Variants in GRB10 observed in about 807,000 individuals in gnomAD.
The protein encoded by GRB10 is growth factor receptor-bound protein 10.
In GRB10, 20 loss-of-function variants were observed where a neutral mutation model predicts 80.9. The ratio of observed to expected loss-of-function variants is 0.25; its 90% CI spans 0.17 to 0.36. The LOEUF is 0.36. GRB10 is among the 10% of genes least tolerant of loss of function. The pLI is 1.00. For synonymous variants in GRB10, 291 were observed against 291.5 expected (o/e 1.00, Z 0.02); for missense variants, 548 against 747.7 (o/e 0.73, Z 3.12).
intron 1 of GRB10, among the ~76,000 whole-genome samples, chr7:50,789,912 A>G (rs1221986790): frequency 1.3e-5 from 2 of 152,230 alleles, no homozygotes; most frequent in Non-Finnish European, 2.9e-5. Context: ...CCATTATTAA[A>G]GAAGAGCCAT....
At chr7:50,608,345 C>T (rs1370923535) in intron 13 of GRB10, among the ~76,000 whole-genome samples, 1 of 152,164 alleles carries the variant, frequency 6.6e-6, no homozygotes, top group Non-Finnish European at 1.5e-5. Context: ...AACCGCTAAC[C>T]TTGCATCCTA....
intron 5 of GRB10, among the ~76,000 whole-genome samples, chr7:50,678,975 G>C (rs1441852180): frequency 6.6e-6 from 1 of 152,116 alleles, no homozygotes; most frequent in Non-Finnish European, 1.5e-5. Flanking sequence ...TTTTCCATGG[G>C]GCTGCCCCAC....
At chr7:50,762,670 C>G (rs998258670) in intron 2 of GRB10, among the ~76,000 whole-genome samples, 11 of 152,144 alleles carry the variant, frequency 7.2e-5, no homozygotes, top group African/African-American at 2.2e-4. Context: ...TTAAACATTA[C>G]AAGAACTACT....
intron 3 of GRB10, among the ~76,000 whole-genome samples, chr7:50,754,704 G>C (rs1053372907): frequency 2.0e-5 from 3 of 152,180 alleles, no homozygotes; most frequent in African/African-American, 7.2e-5. Context: ...TCCTACCAAG[G>C]GTGTGGATAT....
At chr7:50,707,591 A>G (rs768811916) in intron 4 of GRB10, among the ~76,000 whole-genome samples, 7 of 152,262 alleles carry the variant, frequency 4.6e-5, no homozygotes, top group Non-Finnish European at 1.0e-4. Context: ...TTATTAAAAC[A>G]TCTCATCTGA....
chr7:50,793,286 G>A (rs1312637854), exon 1 of GRB10: 12 of 144,080 alleles, frequency 8.3e-5, no homozygotes, highest in Non-Finnish European at 3.1e-5. Context: ...GTGGCCGGCG[G>A]CGGGCGCGGG....
At chr7:50,683,632 G>C (rs1586838914) in intron 5 of GRB10, among the ~76,000 whole-genome samples, 2 of 152,128 alleles carry the variant, frequency 1.3e-5, no homozygotes, top group Non-Finnish European at 2.9e-5. Flanking sequence ...AGCTATTCAA[G>C]AGCCTGAGGC....
intron 3 of GRB10, among the ~76,000 whole-genome samples, chr7:50,744,957 G>A (rs1053679343): frequency 6.6e-6 from 1 of 152,112 alleles, no homozygotes; most frequent in Non-Finnish European, 1.5e-5. Flanking sequence ...TATGGTCTGT[G>A]TTTGTGTAAG....
intron 4 of GRB10, among the ~76,000 whole-genome samples, chr7:50,712,422 G>C (rs1301031655): frequency 6.6e-6 from 1 of 152,322 alleles, no homozygotes; most frequent in Non-Finnish European, 1.5e-5. Context: ...TCGTATCAAG[G>C]AACAAGGGGG....
At chr7:50,605,254 G>T in intron 15 of GRB10, 36 bp downstream of exon 15, 1 of 1,504,982 alleles carries the variant, frequency 6.6e-7, no homozygotes. Flanking sequence ...CCACCTTGAG[G>T]GTGCCCCTCC....
At chr7:50,716,571 C>T (rs747178158) in intron 4 of GRB10, among the ~76,000 whole-genome samples, 1 of 152,176 alleles carries the variant, frequency 6.6e-6, no homozygotes, top group African/African-American at 2.4e-5. Context: ...GATAAATATG[C>T]TCTGTGCATT....
At chr7:50,719,700 T>TA (rs550117900) in intron 4 of GRB10, among the ~76,000 whole-genome samples, 2 of 150,352 alleles carry the variant, frequency 1.3e-5, no homozygotes, top group Admixed American at 6.6e-5. Context: ...ATTTAAAAAA[T>TA]AAAAAAAAAG....
chr7:50,696,182 C>T (rs898402423), intron 5 of GRB10, among the ~76,000 whole-genome samples: 1 of 152,104 alleles, frequency 6.6e-6, no homozygotes, highest in African/African-American at 2.4e-5. Flanking sequence ...CACATGCACA[C>T]GTCATTGAAA....
rs2045841867 is a variant in GRB10, at chr7:50,591,495, T to C, written c.*1457A>G. 6.6e-6 allele frequency: 1 copy of C among 152,152 alleles called. No homozygotes were observed. The highest frequency in any genetic ancestry group is 2.4e-5 in the African/African-American group (1 of 41,308). 9.4% of individuals were successfully genotyped at this position (152,152 alleles called of 1,614,324 possible). The stretch of plus-strand genomic sequence containing the variant: ...TCATTCTGCTCACCACAGTAGTTTG[T>C]CGCCTGTCAAAGGAGTCCTTTCTGC... On this transcript the variant is annotated 3_prime_UTR_variant, in exon 19 of 19. Transcript: ENST00000401949.
intron 2 of GRB10, among the ~76,000 whole-genome samples, chr7:50,758,245 T>C (rs1435946361): frequency 1.3e-5 from 2 of 150,714 alleles, no homozygotes; most frequent in Non-Finnish European, 3.0e-5. Context: ...ACCCCGAGAG[T>C]AGACCAGCAC....
At chr7:50,773,736 T>G (rs1480810593) in intron 2 of GRB10, among the ~76,000 whole-genome samples, 1 of 152,182 alleles carries the variant, frequency 6.6e-6, no homozygotes, top group Non-Finnish European at 1.5e-5. Flanking sequence ...TCAAAGATAG[T>G]TATACACCAA....
At chr7:50,617,922 C>G (rs1259662229) in intron 10 of GRB10, 149 bp downstream of exon 10, 4 of 735,192 alleles carry the variant, frequency 5.4e-6, no homozygotes, top group Non-Finnish European at 7.3e-6. Flanking sequence ...TCTAAACCCT[C>G]CCCCCAACCA....
chr7:50,685,192 A>G (rs556798561), intron 5 of GRB10, among the ~76,000 whole-genome samples: 9 of 152,370 alleles, frequency 5.9e-5, no homozygotes, highest in African/African-American at 2.2e-4. Flanking sequence ...GCTGAACACT[A>G]ACTACATCAC....
chr7:50,682,263 C>G (rs1440311783), intron 5 of GRB10, among the ~76,000 whole-genome samples: 2 of 152,218 alleles, frequency 1.3e-5, no homozygotes, highest in Non-Finnish European at 2.9e-5. Context: ...GTGAGTCACT[C>G]CAGTGAGGAA....
Sources: allele counts gnomAD v4.1 joint callset (sites outside exome capture counted in the v4.1 genomes callset), GRCh38; gene constraint gnomAD v4.1.1; transcripts MANE v1.5; gene names NCBI Gene and HGNC (gene_info 2026-07-23, HGNC 2026-07-21).